NPAS2: variants seen among roughly 807,000 people sequenced by gnomAD.
NPAS2 encodes neuronal PAS domain protein 2, also known as neuronal PAS domain-containing protein 2.
Under a neutral mutation model 107.5 loss-of-function variants are expected in NPAS2, and 23 were observed. That is an observed-to-expected ratio of 0.21 (90% CI 0.15 to 0.30). The LOEUF (loss-of-function observed/expected upper bound fraction) is 0.30. Among genes scored for constraint, NPAS2 ranks in the 10% least tolerant of loss-of-function variants. NPAS2 has a pLI of 1.00. For synonymous variants in NPAS2, 403 were observed against 417.5 expected (o/e 0.97, Z 0.42); for missense variants, 756 against 1,043.3 (o/e 0.72, Z 3.79).
At chr2:100,885,104 A>C (rs1170682163) in intron 1 of NPAS2, among the ~76,000 whole-genome samples, 1 of 152,060 alleles carries the variant, frequency 6.6e-6, no homozygotes, top group Non-Finnish European at 1.5e-5. Context: ...GCCCACCAGC[A>C]CGCCCAGCTA....
chr2:100,967,409 G>A (rs1239220102), intron 10 of NPAS2, among the ~76,000 whole-genome samples: 1 of 151,730 alleles, frequency 6.6e-6, no homozygotes, highest in Non-Finnish European at 1.5e-5. Flanking sequence ...TGTATTTTTA[G>A]TAGAGATGGG....
chr2:100,952,314 A>G (rs1459716921), intron 7 of NPAS2, among the ~76,000 whole-genome samples: 3 of 152,132 alleles, frequency 2.0e-5, no homozygotes, highest in African/African-American at 7.2e-5. Flanking sequence ...CTCTTGCCCC[A>G]TGACAACAGT....
chr2:100,852,178 C>T (rs188205814), intron 1 of NPAS2, among the ~76,000 whole-genome samples: 171 of 152,112 alleles, frequency 1.1e-3, no homozygotes, highest in South Asian at 6.0e-3. Flanking sequence ...GGGCGGATCA[C>T]GAGGTCAGGA....
At chr2:100,971,210 G>T in intron 12 of NPAS2, 136 bp downstream of exon 12, 1 of 679,736 alleles carries the variant, frequency 1.5e-6, no homozygotes, top group Non-Finnish European at 2.4e-6. Flanking sequence ...GAGGTGGGAG[G>T]ATCCCTTGAG....
intron 15 of NPAS2, among the ~76,000 whole-genome samples, chr2:100,978,608 G>GT (rs749621025): frequency 6.6e-6 from 1 of 152,206 alleles, no homozygotes; most frequent in Non-Finnish European, 1.5e-5. Context: ...ACAACATTCG[G>GT]TGAGTTACTA....
chr2:100,939,688 G>A (rs1674465112), intron 5 of NPAS2, among the ~76,000 whole-genome samples: 1 of 152,188 alleles, frequency 6.6e-6, no homozygotes, highest in Admixed American at 6.5e-5. Flanking sequence ...ATTGACCTGG[G>A]AATGAGAGAC....
At chr2:100,957,182 T>C (rs1207509355) in intron 7 of NPAS2, among the ~76,000 whole-genome samples, 2 of 152,222 alleles carry the variant, frequency 1.3e-5, no homozygotes, top group Non-Finnish European at 2.9e-5. Flanking sequence ...GAAATATGTG[T>C]CAGGAAATGG....
intron 15 of NPAS2, among the ~76,000 whole-genome samples, chr2:100,978,448 G>A (rs181402457): frequency 1.7e-4 from 26 of 151,952 alleles, no homozygotes; most frequent in African/African-American, 6.3e-4. Context: ...GGTCTGAATT[G>A]GGCTGCATGT....
intron 10 of NPAS2, among the ~76,000 whole-genome samples, chr2:100,966,851 C>T (rs953566778): frequency 2.0e-5 from 3 of 152,124 alleles, no homozygotes; most frequent in African/African-American, 7.2e-5. Flanking sequence ...CTCACCTCGG[C>T]CTCCCAAAAT....
At chr2:100,929,246 A>C (rs1355215541) in intron 3 of NPAS2, among the ~76,000 whole-genome samples, 1 of 152,206 alleles carries the variant, frequency 6.6e-6, no homozygotes, top group Non-Finnish European at 1.5e-5. Context: ...CAGATGAGAC[A>C]CACAAGGTCA....
intron 1 of NPAS2, among the ~76,000 whole-genome samples, chr2:100,857,831 A>G (rs1458446720): frequency 2.0e-5 from 3 of 152,230 alleles, no homozygotes; most frequent in Non-Finnish European, 4.4e-5. Flanking sequence ...CCACATGTGT[A>G]TATTTTGTGA....
At chr2:100,936,850 CAT>C (rs1684332605) in intron 4 of NPAS2, among the ~76,000 whole-genome samples, 1 of 151,884 alleles carries the variant, frequency 6.6e-6, no homozygotes, top group African/African-American at 2.4e-5. Flanking sequence ...GGCCTGGTGG[CAT>C]GTGCCTGTAA....
At chr2:100,832,159 A>G (rs1459909229) in intron 1 of NPAS2, among the ~76,000 whole-genome samples, 2 of 152,174 alleles carry the variant, frequency 1.3e-5, no homozygotes, top group Non-Finnish European at 2.9e-5. Flanking sequence ...GGGTAGGCAC[A>G]TCGGCATTCT....
chr2:100,875,615 C>T lies in NPAS2; in HGVS notation c.-22-29118C>T, dbSNP rs192869537. 1.8e-3 allele frequency among the ~76,000 whole-genome samples: 275 copies of T among 152,276 alleles called. 2 individuals carry two copies. Among genetic ancestry groups the T allele is most frequent in the African/African-American group, 5.4e-3 (223 of 41,550 alleles). On this transcript the variant is annotated intron_variant, in intron 1 of 20. Coordinates refer to ENST00000335681, the MANE Select transcript of NPAS2 (RefSeq NM_002518.4). ...CGCGGCTCCTGGACGCGCAGCTTGTCGAGGCTTGAAAGGCGCGGGCAGGGC... is the reference window on the plus strand; with the variant it reads ...CGCGGCTCCTGGACGCGCAGCTTGTTGAGGCTTGAAAGGCGCGGGCAGGGC...
At chr2:100,939,749 C>G in intron 5 of NPAS2, among the ~76,000 whole-genome samples, 1 of 152,190 alleles carries the variant, frequency 6.6e-6, no homozygotes, top group East Asian at 1.9e-4. Context: ...CTGCTTTATG[C>G]TCTTGTAATT....
At chr2:100,835,812 GGA>G (rs1313565692) in intron 1 of NPAS2, among the ~76,000 whole-genome samples, 1 of 152,034 alleles carries the variant, frequency 6.6e-6, no homozygotes, top group Non-Finnish European at 1.5e-5. Context: ...GAATTTATGG[GGA>G]AGCCTCCTAG....
At chr2:100,974,985 C>T in intron 13 of NPAS2, 41 bp downstream of exon 13, 1 of 1,608,108 alleles carries the variant, frequency 6.2e-7, no homozygotes, top group Non-Finnish European at 8.5e-7. Flanking sequence ...ATGTCCACAT[C>T]AGACCAGAGG....
At chr2:100,954,696 A>G (rs2105088371) in intron 7 of NPAS2, among the ~76,000 whole-genome samples, 1 of 149,092 alleles carries the variant, frequency 6.7e-6, no homozygotes, top group East Asian at 1.9e-4. Context: ...AAAAGAAAAG[A>G]AAAAAGAAAC....
chr2:100,833,182 G>A (rs532679448), intron 1 of NPAS2, among the ~76,000 whole-genome samples: 2 of 152,292 alleles, frequency 1.3e-5, no homozygotes, highest in South Asian at 2.1e-4. Context: ...CGAGGACAGC[G>A]CATGGCCCAT....
Sources: allele counts gnomAD v4.1 joint callset (sites outside exome capture counted in the v4.1 genomes callset), GRCh38; gene constraint gnomAD v4.1.1; transcripts MANE v1.5; gene names NCBI Gene and HGNC (gene_info 2026-07-23, HGNC 2026-07-21).